The following TUBB6 variants were observed in gnomAD, a reference collection of about 807,000 sequenced individuals.
TUBB6 encodes the protein tubulin beta 6 class V.
Under a neutral mutation model 32.3 loss-of-function variants are expected in TUBB6, and 18 were observed. That is an observed-to-expected ratio of 0.56 (90% CI 0.39 to 0.83). The LOEUF is 0.83. TUBB6 is among the 40% of genes least tolerant of loss of function. The pLI is 0.00. For missense variants in TUBB6, 480 were observed against 632.0 expected (o/e 0.76, Z 2.58); for synonymous variants, 280 against 265.8 (o/e 1.05, Z -0.52).
intron 3 of TUBB6, among the ~76,000 whole-genome samples, chr18:12,318,428 C>T (rs567736518): frequency 1.0e-4 from 15 of 149,076 alleles, no homozygotes; most frequent in Admixed American, 6.1e-4. Flanking sequence ...ATGCTGTCTA[C>T]GGCTTGTGAA....
At chr18:12,310,633 A>G (rs1906323371) in intron 2 of TUBB6, among the ~76,000 whole-genome samples, 1 of 151,326 alleles carries the variant, frequency 6.6e-6, no homozygotes, top group African/African-American at 2.4e-5. Flanking sequence ...ACACTACCAC[A>G]CTTAGCTAAT....
intron 3 of TUBB6, among the ~76,000 whole-genome samples, chr18:12,323,803 C>T (rs1448063402): frequency 1.3e-5 from 2 of 150,982 alleles, no homozygotes; most frequent in African/African-American, 4.9e-5. Flanking sequence ...AGCAAGACTC[C>T]GTCTCAAAAA....
intron 2 of TUBB6, among the ~76,000 whole-genome samples, chr18:12,309,981 TA>T (rs35519558): frequency 0.83 from 125,993 of 151,986 alleles, 52,650 homozygotes; most frequent in Non-Finnish European, 0.89. Flanking sequence ...CAATTTGCTG[TA>T]AATACCTAGT....
At chr18:12,313,136 C>T (rs927988158) in intron 3 of TUBB6, among the ~76,000 whole-genome samples, 1 of 117,696 alleles carries the variant, frequency 8.5e-6, no homozygotes, top group Non-Finnish European at 1.9e-5. Context: ...AGCAACATTA[C>T]ACTCCCTGGT....
rs1906128691 is a variant in TUBB6 at position 12,308,439 on chromosome 18, C to T, written c.57+90C>T. 7.6e-6 allele frequency: 8 copies of T among 1,054,424 alleles called. No individual in the cohort carries two copies. In the South Asian group the frequency reaches 2.8e-4, roughly 37 times the overall value. The allele number at this position is 1,054,424 out of a possible 1,614,324, so 65.3% of individuals were successfully genotyped here. On this transcript the variant is annotated intron_variant, in intron 1 of 3. Transcript: ENST00000317702. Reference sequence around the variant, plus strand: ...CGCGACCCCCGCCGGGGCGCGCACCCGCTGTGCGCCCCTGGGTCCTCGGAG... The same window carrying T: ...CGCGACCCCCGCCGGGGCGCGCACCTGCTGTGCGCCCCTGGGTCCTCGGAG...
chr18:12,310,658 G>T (rs1240641949), intron 2 of TUBB6, among the ~76,000 whole-genome samples: 1 of 114,768 alleles, frequency 8.7e-6, no homozygotes, highest in Non-Finnish European at 2.1e-5. Flanking sequence ...TTGGTTTTTT[G>T]TTTGTTTGTT....
At chr18:12,323,480 A>G (rs1162199519) in intron 3 of TUBB6, among the ~76,000 whole-genome samples, 1 of 152,176 alleles carries the variant, frequency 6.6e-6, no homozygotes, top group Non-Finnish European at 1.5e-5. Flanking sequence ...TTTTTTAGGT[A>G]AAGTAAGATA....
downstream of TUBB6, among the ~76,000 whole-genome samples, chr18:12,328,010 T>C (rs1372656060): frequency 6.6e-6 from 1 of 152,236 alleles, no homozygotes; most frequent in Non-Finnish European, 1.5e-5. Context: ...CAATGCTTCA[T>C]TGGGCACCTC....
At chr18:12,323,938 G>T (rs575804938) in intron 3 of TUBB6, among the ~76,000 whole-genome samples, 10 of 152,188 alleles carry the variant, frequency 6.6e-5, no homozygotes, top group Admixed American at 2.0e-4. Flanking sequence ...AACAATTTGA[G>T]GGCAGGAATT....
In TUBB6 at chr18:12,325,131, C is replaced by T; in HGVS notation, c.342C>T (p.Asp114=). The T allele has an allele frequency of 1.9e-6, 3 of 1,607,932 alleles. No individual in the cohort carries two copies. Among genetic ancestry groups the T allele is most frequent in the Middle Eastern group, 1.7e-4 (1 of 6,038 alleles). ...ACACGGAGGGCGCGGAGCTGGTGGA[C>T]GCAGTGCTGGACGTGGTGCGGAAGG... ...GHYTEGAELV[D]AVLDVVRKEC... The change falls in exon 4 of 4, where the codon GAC becomes GAT. Residue 114 remains aspartate (D), a synonymous_variant. Transcript: ENST00000317702.
chr18:12,317,428 A>G (rs1447628825), intron 3 of TUBB6, among the ~76,000 whole-genome samples: 2 of 152,024 alleles, frequency 1.3e-5, no homozygotes, highest in Non-Finnish European at 2.9e-5. Context: ...TGTTTGCGCC[A>G]CTGCACTCCA....
intron 3 of TUBB6, among the ~76,000 whole-genome samples, chr18:12,317,588 A>G (rs1906744601): frequency 6.6e-6 from 1 of 152,260 alleles, no homozygotes; most frequent in African/African-American, 2.4e-5. Context: ...ACGTTCTTCC[A>G]GCCTCTTTCT....
chr18:12,310,312 AC>A lies in TUBB6; in HGVS notation c.167-627del, dbSNP rs368722597. Among the ~76,000 whole-genome samples the A allele has an allele frequency of 4.4e-3, 671 of 151,944 alleles. 6 individuals are homozygous for A. The highest frequency in any genetic ancestry group is 0.015 in the African/African-American group (624 of 41,416). The stretch of plus-strand genomic sequence containing the variant: ...AGACCATCCTGGCTAACACGGTGAA[AC>A]CCCATCTCTACTGAAAATACAAAAA... On this transcript the variant is annotated intron_variant, in intron 2 of 3. Coordinates refer to ENST00000317702, the MANE Select transcript of TUBB6 (RefSeq NM_032525.3).
At chr18:12,308,583 G>C in intron 1 of TUBB6, 104 bp from the exon 2 acceptor site, 2 of 916,440 alleles carry the variant, frequency 2.2e-6, no homozygotes, top group Non-Finnish European at 3.3e-6. Context: ...GGCGGCTCAG[G>C]CGCGCCTGGA....
intron 3 of TUBB6, among the ~76,000 whole-genome samples, chr18:12,314,680 C>A (rs1391831505): frequency 6.6e-6 from 1 of 152,018 alleles, no homozygotes; most frequent in African/African-American, 2.4e-5. Context: ...AAAATATATA[C>A]CTTCTTCAAA....
In TUBB6 at chr18:12,308,322, C is replaced by A; in HGVS notation, c.30C>A (p.Gly10=). The change falls in exon 1 of 4, where the codon GGC becomes GGA. Residue 10 remains glycine, a synonymous_variant. Coordinates refer to ENST00000317702, the MANE Select transcript of TUBB6 (RefSeq NM_032525.3). ...GGGAGATCGTGCACATCCAGGCGGGCCAGTGCGGGAACCAGATCGGCACCA... is the reference window on the plus strand; with the variant it reads ...GGGAGATCGTGCACATCCAGGCGGGACAGTGCGGGAACCAGATCGGCACCA... MREIVHIQA[G]QCGNQIGTKF... The A allele has an allele frequency of 6.7e-7, 1 of 1,483,304 alleles. No individual in the cohort carries two copies. The highest frequency in any genetic ancestry group is 2.9e-5 in the East Asian group (1 of 33,962). The allele number at this position is 1,483,304 out of a possible 1,614,324, so 91.9% of individuals were successfully genotyped here.
In TUBB6 at chr18:12,326,306, A is replaced by G. The variant is rs1294077729; in HGVS notation, c.*176A>G. ...ATCTGGAACAAAGACTAAAAACAGC[A>G]GAGAATTGCGGGTTCTACCCAGTCA... On this transcript the variant is annotated 3_prime_UTR_variant, in exon 4 of 4. Transcript: ENST00000317702. The G allele has an allele frequency of 9.9e-7, 1 of 1,005,762 alleles. No individual in the cohort carries two copies. Among genetic ancestry groups the G allele is most frequent in the South Asian group, 1.8e-5 (1 of 55,446 alleles). The allele number at this position is 1,005,762 out of a possible 1,614,324, so 62.3% of individuals were successfully genotyped here.
intron 1 of TUBB6, 164 bp from the exon 2 acceptor site, chr18:12,308,523 G>T: frequency 1.4e-6 from 1 of 700,436 alleles, no homozygotes; most frequent in Non-Finnish European, 2.2e-6. Flanking sequence ...GCCGGCCGGG[G>T]ACCTTCTACT....
intron 2 of TUBB6, 124 bp downstream of exon 2, chr18:12,308,919 A>C: frequency 1.5e-6 from 1 of 661,938 alleles, no homozygotes. Flanking sequence ...ATGCCCGGCC[A>C]CTCCCTTCGC....
Sources: allele counts gnomAD v4.1 joint callset (sites outside exome capture counted in the v4.1 genomes callset), GRCh38; gene constraint gnomAD v4.1.1; transcripts MANE v1.5; gene names NCBI Gene and HGNC (gene_info 2026-07-23, HGNC 2026-07-21).